The following ABCA7 variants were observed in gnomAD, a reference collection of about 807,000 sequenced individuals.
ABCA7 encodes phospholipid-transporting ATPase ABCA7.
Under a neutral mutation model 227.6 loss-of-function variants are expected in ABCA7, and 261 were observed. The observed-to-expected ratio is 1.15, with a 90% CI of 1.04 to 1.27. The LOEUF (loss-of-function observed/expected upper bound fraction) is 1.27. Among genes scored for constraint, ABCA7 ranks in the 50% most tolerant of loss-of-function variants. ABCA7 has a pLI of 0.00. For missense variants in ABCA7, 3,331 were observed against 2,924.5 expected, an observed-to-expected ratio of 1.14 and a Z score of -3.21; for synonymous variants, 1,488 against 1,279.7, an observed-to-expected ratio of 1.16 and a Z score of -3.47.
Position 1,059,053 on chromosome 19 carries a change from G to C in ABCA7, c.5431G>C (p.Asp1811His), listed in dbSNP as rs1412439785. The C allele has an allele frequency of 5.6e-6, 9 of 1,613,614 alleles. No individual in the cohort carries two copies. Among genetic ancestry groups the C allele is most frequent in the African/African-American group, 1.3e-5 (1 of 74,878 alleles). ...VYRGQRMPAVDRLCLGIPPGE... is the reference protein window; with the variant it reads ...VYRGQRMPAVHRLCLGIPPGE... Reference sequence around the variant, plus strand: ...CCGTGGGCAGAGGATGCCAGCTGTTGACCGCTTGTGCCTGGGGATTCCCCC... The same window carrying C: ...CCGTGGGCAGAGGATGCCAGCTGTTCACCGCTTGTGCCTGGGGATTCCCCC... The change falls in exon 40 of 47, where the codon GAC becomes CAC. Residue 1811 changes from aspartate (D) to histidine (H), a missense_variant. By Grantham distance (81) the Asp-to-His change is moderately conservative. Coordinates refer to ENST00000263094, the MANE Select transcript of ABCA7 (RefSeq NM_019112.4).
chr19:1,064,800 C>A, intron 45 of ABCA7, 131 bp from the exon 46 acceptor site: 1 of 1,375,070 alleles, frequency 7.3e-7, no homozygotes, highest in Non-Finnish European at 9.5e-7. Flanking sequence ...GGGACTGAGA[C>A]GGGAGGACCA....
In ABCA7 at chr19:1,045,066, A is replaced by G. The variant is rs752910380; in HGVS notation, c.1280A>G (p.Gln427Arg). 1.9e-6 allele frequency: 3 copies of G among 1,612,926 alleles called. No individual in the cohort carries two copies. The highest frequency in any genetic ancestry group is 2.5e-6 in the Non-Finnish European group (3 of 1,179,980). Residue 427 changes from glutamine to arginine, a missense_variant, in exon 12 of 47, where the codon CAA (glutamine) becomes CGA (arginine). Gln to Arg is a conservative substitution (Grantham distance 43, BLOSUM62 1). Coordinates refer to ENST00000263094, the MANE Select transcript of ABCA7 (RefSeq NM_019112.4). Reference sequence around the variant, plus strand: ...GCAGCCCTGGTGTCGCGGGCCCTGCAACTGCTCGCGGAACATCGATTCTGG... The same window carrying G: ...GCAGCCCTGGTGTCGCGGGCCCTGCGACTGCTCGCGGAACATCGATTCTGG... The part of the protein sequence containing the change: ...SEAALVSRAL[Q>R]LLAEHRFWAG...
chr19:1,061,712 A>C, intron 40 of ABCA7, 70 bp from the exon 41 acceptor site: 1 of 1,449,988 alleles, frequency 6.9e-7, no homozygotes, highest in South Asian at 1.3e-5. Flanking sequence ...AAAAAAAAAA[A>C]AAAGAAATCA....
intron 18 of ABCA7, among the ~76,000 whole-genome samples, chr19:1,049,910 A>G (rs562376614): frequency 1.3e-4 from 1 of 7,418 alleles, no homozygotes. Context: ...CCCCCCCACC[A>G]CTCCCTCCCT....
At position 1,041,481 on chromosome 19, in the gene ABCA7, C is replaced by T. The variant is rs779529387; in HGVS notation, c.67-29C>T. The T allele has an allele frequency of 7.4e-6, 12 of 1,613,576 alleles. No individual in the cohort carries two copies. The South Asian group carries it at 1.1e-4, about 15-fold the overall frequency. Reference sequence around the variant, plus strand: ...GGTGGGCAGGCAGCCCCCACTGTCCCCCACCGTCTCCCACCTATTCTCCCC... The same window carrying T: ...GGTGGGCAGGCAGCCCCCACTGTCCTCCACCGTCTCCCACCTATTCTCCCC... On this transcript the variant is annotated intron_variant, in intron 2 of 46. Coordinates refer to ENST00000263094, the MANE Select transcript of ABCA7 (RefSeq NM_019112.4).
intron 43 of ABCA7, 22 bp downstream of exon 43, chr19:1,063,700 G>C: frequency 1.3e-6 from 2 of 1,570,492 alleles, no homozygotes; most frequent in African/African-American, 2.7e-5. Context: ...CGGTGCCTGG[G>C]TGGGGTGGGG....
rs202174638 is a variant in ABCA7, at chr19:1,056,080, C to G, written c.4253C>G (p.Ser1418Trp). Residue 1418 changes from serine to tryptophan, a missense_variant, in exon 32 of 47, where the codon TCG becomes TGG. Coordinates refer to ENST00000263094, the MANE Select transcript of ABCA7 (RefSeq NM_019112.4). The surrounding 1 kb of genome is among the most constrained non-coding windows in gnomAD (Gnocchi z 4.3). ...WVNEVRYGGFSLGGRDPGLPS... is the reference protein window; with the variant it reads ...WVNEVRYGGFWLGGRDPGLPS... ...TGGCCCCACAGATACGGAGGCTTCTCGCTGGGGGGCCGAGACCCAGGCCTG... is the reference window on the plus strand; with the variant it reads ...TGGCCCCACAGATACGGAGGCTTCTGGCTGGGGGGCCGAGACCCAGGCCTG... The G allele has an allele frequency of 2.1e-5, 33 of 1,593,812 alleles. No individual in the cohort carries two copies. The Admixed American group carries it at 4.8e-4, about 23-fold the overall frequency.
chr19:1,051,326 A>AG, intron 20 of ABCA7, 32 bp downstream of exon 20: 1 of 1,583,870 alleles, frequency 6.3e-7, no homozygotes. Flanking sequence ...GTCACCTCAC[A>AG]GGGAGGGGCC....
rs761862096 is a variant in ABCA7, at chr19:1,055,979, C to T, written c.4238+40C>T. On this transcript the variant is annotated intron_variant, in intron 31 of 46. Coordinates refer to ENST00000263094, the MANE Select transcript of ABCA7 (RefSeq NM_019112.4). ...AGCTTGGGGTCCCCTGCCCCAGTTCCACTCCCATGCCCTCTGCCTGCCCCC... is the reference window on the plus strand; with the variant it reads ...AGCTTGGGGTCCCCTGCCCCAGTTCTACTCCCATGCCCTCTGCCTGCCCCC... The T allele has an allele frequency of 6.4e-6, 10 of 1,569,430 alleles. No homozygotes were observed. The Admixed American group carries it at 1.3e-4, about 20-fold the overall frequency.
At position 1,054,911 on chromosome 19, in the gene ABCA7, T is replaced by C. The variant is rs574748541; in HGVS notation, c.3950+33T>C. The C allele has an allele frequency of 1.9e-6, 3 of 1,547,818 alleles. No individual in the cohort carries two copies. The Admixed American group carries it at 5.8e-5, about 30-fold the overall frequency. On this transcript the variant is annotated intron_variant, in intron 29 of 46. Transcript: ENST00000263094. The surrounding 1 kb of genome is among the most constrained non-coding windows in gnomAD (Gnocchi z 4.8). ...GTCTTGTTGGCCTGGACCTTTCCCC[T>C]CTCTGGCCTCAGTTTTCCCATCTGG... is the stretch of plus-strand genomic sequence containing the variant.
chr19:1,045,312 C>A, intron 12 of ABCA7, 81 bp downstream of exon 12: 2 of 1,291,480 alleles, frequency 1.5e-6, no homozygotes, highest in Non-Finnish European at 2.1e-6. Flanking sequence ...AGCATTCAGC[C>A]TATTGGAGAC....
In ABCA7 at chr19:1,042,069, C is replaced by A; in HGVS notation, c.308C>A (p.Ser103Tyr). 6.3e-7 allele frequency: 1 copy of A among 1,592,820 alleles called. No homozygotes were observed. The highest frequency in any genetic ancestry group is 8.5e-7 in the Non-Finnish European group (1 of 1,176,290). Residue 103 changes from serine to tyrosine, a missense_variant, in exon 5 of 47, where the codon TCC becomes TAC. Coordinates refer to ENST00000263094, the MANE Select transcript of ABCA7 (RefSeq NM_019112.4). ...TGCCCTCTCTCTGTCCCCAGGGTCT[C>A]CCGGCTGCTAGCCGATGCCCGCACT... The part of the protein sequence containing the change: ...RLSNFNDSLV[S>Y]RLLADARTVL...
chr19:1,046,582 G>A lies in ABCA7; in HGVS notation c.1622+176G>A, dbSNP rs539049233. On this transcript the variant is annotated intron_variant, in intron 13 of 46. Transcript: ENST00000263094. ...AGCAGGGGACTCTGAGGGTCTGGTG[G>A]GGGGGGGGACTCTGAGGGTCTGGGG... Among the ~76,000 whole-genome samples the A allele has an allele frequency of 5.1e-4, 52 of 102,260 alleles. 1 individual carries two copies. Among genetic ancestry groups the A allele is most frequent in the African/African-American group, 1.6e-3 (50 of 32,016 alleles). 67.1% of individuals were successfully genotyped at this position (102,260 alleles called of 152,430 possible). A position where few individuals can be genotyped will look rare whatever the true frequency, so the allele number is the denominator to read the frequency against.
Position 1,054,232 on chromosome 19 carries a change from A to G in ABCA7, c.3617A>G (p.Asp1206Gly). 1.9e-6 allele frequency: 3 copies of G among 1,608,338 alleles called. No homozygotes were observed. The highest frequency in any genetic ancestry group is 2.2e-5 in the South Asian group (2 of 90,882). Residue 1206 changes from aspartate (D) to glycine (G), a missense_variant, in exon 27 of 47, where the codon GAC becomes GGC. Asp to Gly is a moderately conservative substitution (Grantham distance 94). Transcript: ENST00000263094. The surrounding 1 kb of genome is among the most constrained non-coding windows in gnomAD (Gnocchi z 4.8). ...APETDQGSGP[D>G]AVGRVQGWAL... is the part of the protein sequence containing the mutation. ...GAGACTGACCAGGGCTCTGGGCCAG[A>G]CGCCGTGGGCCGGGTACAGGGCTGG...
rs1328483151 is a variant in ABCA7 at position 1,044,601 on chromosome 19, G to C, written c.1072G>C (p.Gly358Arg). The C allele has an allele frequency of 2.5e-6, 4 of 1,612,850 alleles. No individual in the cohort carries two copies. The highest frequency in any genetic ancestry group is 2.2e-5 in the South Asian group (2 of 91,078). The part of the protein sequence containing the change: ...LQRLLQMQDE[G>R]RRQPRPGGRD... ...GCGGCTCCTGCAGATGCAGGATGAA[G>C]GAAGAAGGCAGCCCAGACCTGGAGG... The change falls in exon 11 of 47, where the codon GGA becomes CGA. Residue 358 changes from glycine to arginine, a missense_variant. Coordinates refer to ENST00000263094, the MANE Select transcript of ABCA7 (RefSeq NM_019112.4).
intron 35 of ABCA7, 42 bp downstream of exon 35, chr19:1,057,471 T>A (rs2042355210): frequency 6.5e-7 from 1 of 1,548,052 alleles, no homozygotes; most frequent in Admixed American, 1.7e-5. Context: ...TACTGACCCC[T>A]TACTGCCTTC....
chr19:1,054,445 C>G lies in ABCA7; in HGVS notation c.3726+104C>G, dbSNP rs2042062992. The G allele has an allele frequency of 2.6e-6, 4 of 1,552,416 alleles. No homozygotes were observed. In the Admixed American group the frequency reaches 6.9e-5, roughly 27 times the overall value. On this transcript the variant is annotated intron_variant, in intron 27 of 46. Coordinates refer to ENST00000263094, the MANE Select transcript of ABCA7 (RefSeq NM_019112.4). The surrounding 1 kb of genome is among the most constrained non-coding windows in gnomAD (Gnocchi z 4.8). The stretch of plus-strand genomic sequence containing the variant: ...CAAACCCTTACCCCCGTGTGTATTC[C>G]CAACCCAAAGCACATTTATTGAGGG...
Position 1,048,953 on chromosome 19 carries a change from A to G in ABCA7, c.2328A>G (p.Gly776=). 1 of 1,609,494 alleles carries G rather than the reference A, an allele frequency of 6.2e-7. No individual in the cohort carries two copies. Among genetic ancestry groups the G allele is most frequent in the East Asian group, 2.2e-5 (1 of 44,828 alleles). ...CTTTTCGGAGGAGCTACTGGTGCGG[A>G]CCTCGGCCCCCCAAGAGTCCAGCCC... The part of the protein sequence containing the change: ...NFPFRRSYWC[G]PRPPKSPAPC... Residue 776 remains glycine, a synonymous_variant, in exon 17 of 47, where the codon GGA becomes GGG. Transcript: ENST00000263094.
At chr19:1,044,833 C>T (rs1018657381) in intron 11 of ABCA7, 89 bp downstream of exon 11, 18 of 1,486,504 alleles carry the variant, frequency 1.2e-5, no homozygotes, top group East Asian at 2.5e-5. Context: ...CAGGGGGAGG[C>T]GGGCCCGGCC....
Sources: gnomAD v4.1 joint callset for allele counts (sites outside exome capture counted in the v4.1 genomes callset) on GRCh38, gnomAD v4.1.1 for gene constraint, Gnocchi (gnomAD v3.1) non-coding constraint, MANE v1.5 for transcripts, NCBI Gene and HGNC (gene_info 2026-07-23, HGNC 2026-07-21) for gene names.